Variants in DOK6 observed in about 807,000 individuals in gnomAD.
The protein encoded by DOK6 is downstream of tyrosine kinase 6.
A neutral mutation model predicts 44.0 loss-of-function variants in DOK6; 22 were observed. That is an observed-to-expected ratio of 0.50 (90% CI 0.36 to 0.71). The LOEUF (loss-of-function observed/expected upper bound fraction) is 0.71, where lower values mean the gene tolerates loss of function less well. DOK6 is among the 30% of genes least tolerant of loss of function. The pLI, the probability that DOK6 is intolerant of heterozygous loss-of-function variation, is 0.00. For missense variants in DOK6, 340 were observed against 416.4 expected (o/e 0.82, Z 1.60); for synonymous variants, 166 against 145.5 (o/e 1.14, Z -1.01).
At chr18:69,665,751 C>G (rs1185851208) in intron 3 of DOK6, among the ~76,000 whole-genome samples, 1 of 151,556 alleles carries the variant, frequency 6.6e-6, no homozygotes, top group East Asian at 1.9e-4. Flanking sequence ...GTTTTGTGAT[C>G]TATTTGATTT....
At chr18:69,405,626 T>TAAAATAAAATAAAATAAAATAA (rs1487215020) in intron 1 of DOK6, among the ~76,000 whole-genome samples, 4 of 143,322 alleles carry the variant, frequency 2.8e-5, no homozygotes, top group African/African-American at 7.8e-5. Flanking sequence ...TAAAATAAAA[T>TAAAATAAAATAAAATAAAATAA]AAATAGAAAT....
chr18:69,768,114 A>G (rs1027240133), intron 7 of DOK6, among the ~76,000 whole-genome samples: 2 of 152,182 alleles, frequency 1.3e-5, no homozygotes, highest in Non-Finnish European at 1.5e-5. Flanking sequence ...TCTATTAATC[A>G]AATTTTGTGG....
At chr18:69,447,992 G>A (rs1371619105) in intron 1 of DOK6, among the ~76,000 whole-genome samples, 1 of 152,180 alleles carries the variant, frequency 6.6e-6, no homozygotes, top group Non-Finnish European at 1.5e-5. Flanking sequence ...CATTCAGGGA[G>A]CTTTGAAAGA....
chr18:69,666,870 C>G (rs1407798438), intron 3 of DOK6, among the ~76,000 whole-genome samples: 1 of 152,198 alleles, frequency 6.6e-6, no homozygotes, highest in African/African-American at 2.4e-5. Context: ...ATGAGACCAA[C>G]TCAAGGGAGC....
chr18:69,803,225 T>A (rs1277071354), intron 7 of DOK6, among the ~76,000 whole-genome samples: 2 of 152,152 alleles, frequency 1.3e-5, no homozygotes, highest in African/African-American at 4.8e-5. Flanking sequence ...GAATTAAAAT[T>A]TCTAAACGTA....
At chr18:69,709,580 A>G (rs1986712665) in intron 5 of DOK6, among the ~76,000 whole-genome samples, 2 of 152,146 alleles carry the variant, frequency 1.3e-5, no homozygotes, top group South Asian at 2.1e-4. Context: ...AAGATTATAA[A>G]TTCATTATTA....
chr18:69,734,067 G>A (rs1028454060), intron 5 of DOK6, among the ~76,000 whole-genome samples: 6 of 151,050 alleles, frequency 4.0e-5, no homozygotes, highest in African/African-American at 1.2e-4. Context: ...GAAATTCTTC[G>A]ATATTTTCTT....
intron 1 of DOK6, among the ~76,000 whole-genome samples, chr18:69,420,536 C>T (rs901550655): frequency 2.0e-5 from 3 of 151,978 alleles, no homozygotes; most frequent in Non-Finnish European, 4.4e-5. Flanking sequence ...TACATGTGCA[C>T]AACGTGCAGG....
chr18:69,782,271 G>A (rs1464590197), intron 7 of DOK6, among the ~76,000 whole-genome samples: 1 of 149,516 alleles, frequency 6.7e-6, no homozygotes, highest in Non-Finnish European at 1.5e-5. Context: ...GAGTGCAGCG[G>A]CGAGATCTCA....
At chr18:69,614,274 G>T (rs1984229561) in intron 3 of DOK6, among the ~76,000 whole-genome samples, 1 of 151,962 alleles carries the variant, frequency 6.6e-6, no homozygotes, top group Non-Finnish European at 1.5e-5. Flanking sequence ...CCTACCACAA[G>T]TCATCTAGAA....
chr18:69,789,927 A>G (rs1980542628), intron 7 of DOK6, among the ~76,000 whole-genome samples: 1 of 152,164 alleles, frequency 6.6e-6, no homozygotes, highest in Admixed American at 6.6e-5. Context: ...GTGATATTCC[A>G]CTATTTCTGA....
intron 1 of DOK6, among the ~76,000 whole-genome samples, chr18:69,516,565 G>A (rs943374960): frequency 6.6e-6 from 1 of 152,214 alleles, no homozygotes; most frequent in East Asian, 1.9e-4. Flanking sequence ...TTATCTAAAG[G>A]CAAAGAGATT....
At chr18:69,478,450 A>G (rs1048155535) in intron 1 of DOK6, among the ~76,000 whole-genome samples, 42 of 152,226 alleles carry the variant, frequency 2.8e-4, no homozygotes, top group African/African-American at 9.9e-4. Flanking sequence ...TCATTATTAG[A>G]AAGTAGTCAC....
At chr18:69,618,794 G>C (rs1364396604) in intron 3 of DOK6, 1 of 152,190 alleles carries the variant, frequency 6.6e-6, no homozygotes, top group East Asian at 1.9e-4. Context: ...AATTCAAGAT[G>C]AGATGTGGGT....
At chr18:69,507,505 G>GAGTCTTCT (rs1568279925) in intron 1 of DOK6, among the ~76,000 whole-genome samples, 1 of 152,028 alleles carries the variant, frequency 6.6e-6, no homozygotes, top group African/African-American at 2.4e-5. Flanking sequence ...TACTGCTGCT[G>GAGTCTTCT]AGTCTTCTAA....
intron 5 of DOK6, among the ~76,000 whole-genome samples, chr18:69,710,293 T>A (rs1343255950): frequency 6.6e-6 from 1 of 152,260 alleles, no homozygotes; most frequent in African/African-American, 2.4e-5. Context: ...TTTTGGACAC[T>A]GAATATATTC....
chr18:69,594,709 C>G, intron 2 of DOK6, among the ~76,000 whole-genome samples: 1 of 151,806 alleles, frequency 6.6e-6, no homozygotes. Flanking sequence ...TATATTTTGG[C>G]CTCACACAGT....
chr18:69,429,682 AGGTCTTCCTTTTC>A (rs1978751885), intron 1 of DOK6, among the ~76,000 whole-genome samples: 2 of 141,458 alleles, frequency 1.4e-5, no homozygotes. Flanking sequence ...ATACAACTCA[AGGTCTTCCTTTTC>A]TTCCGTACCA....
chr18:69,710,956 G>A (rs961180269), intron 5 of DOK6, among the ~76,000 whole-genome samples: 1 of 152,188 alleles, frequency 6.6e-6, no homozygotes, highest in African/African-American at 2.4e-5. Context: ...GGAGCATAAG[G>A]CTCAACATTT....
Sources: gnomAD v4.1 joint callset for allele counts (sites outside exome capture counted in the v4.1 genomes callset) on GRCh38, gnomAD v4.1.1 for gene constraint, MANE v1.5 for transcripts, NCBI Gene and HGNC (gene_info 2026-07-23, HGNC 2026-07-21) for gene names.